Variants in UBTD2 observed in about 807,000 individuals in gnomAD.
UBTD2 encodes ubiquitin domain containing 2, also known as ubiquitin domain-containing protein 2.
In UBTD2, 9 loss-of-function variants were observed where a neutral mutation model predicts 19.8. That is an observed-to-expected ratio of 0.46 (90% CI 0.27 to 0.79). The LOEUF is 0.79. Among genes scored for constraint, UBTD2 ranks in the 30% least tolerant of loss-of-function variants. The probability of loss-of-function intolerance (pLI) is 0.14; values close to 1 mark genes in which losing one functional copy is unlikely to be tolerated. For missense variants in UBTD2, 250 were observed against 300.4 expected, an observed-to-expected ratio of 0.83 and a Z score of 1.24; for synonymous variants, 98 against 103.9, an observed-to-expected ratio of 0.94 and a Z score of 0.35.
chr5:172,212,154 G>A lies in UBTD2; in HGVS notation c.381C>T (p.Ile127=). The change falls in exon 3 of 3, where the codon ATC becomes ATT. Residue 127 remains isoleucine (I), a synonymous_variant. Transcript: ENST00000393792. ...TGTCGCTCTTTTCCTCTATCATGTT[G>A]ATTGGCGGTGCCAAGCAATACACTG... The part of the protein sequence containing the change: ...QLPVYCLAPP[I]NMIEEKSDIE... 1.2e-6 allele frequency: 2 copies of A among 1,614,166 alleles called. No homozygotes were observed. Among genetic ancestry groups the A allele is most frequent in the Non-Finnish European group, 1.7e-6 (2 of 1,180,022 alleles).
intron 1 of UBTD2, among the ~76,000 whole-genome samples, chr5:172,256,385 A>G (rs189581589): frequency 2.2e-5 from 3 of 135,300 alleles, no homozygotes; most frequent in East Asian, 4.6e-4. Context: ...TTTTCCTTAT[A>G]CTTTTTTTTT....
Position 172,259,108 on chromosome 5 carries a change from AG to A in UBTD2, c.70+24487del, listed in dbSNP as rs749449520. 1.4e-4 allele frequency among the ~76,000 whole-genome samples: 22 copies of A among 152,008 alleles called. 1 individual carries two copies. The highest frequency in any genetic ancestry group is 1.5e-5 in the Non-Finnish European group (1 of 67,976). ...GTCATAGACGGCTCTTATGATTTTGAGGTATGTTCCTTTAATGGCTACTTTG... is the reference window on the plus strand; with the variant it reads ...GTCATAGACGGCTCTTATGATTTTGAGTATGTTCCTTTAATGGCTACTTTG... On this transcript the variant is annotated intron_variant, in intron 1 of 2. Transcript: ENST00000393792.
chr5:172,236,518 C>G (rs1772012397), intron 1 of UBTD2, among the ~76,000 whole-genome samples: 2 of 152,210 alleles, frequency 1.3e-5, no homozygotes, highest in African/African-American at 4.8e-5. Flanking sequence ...AGAATCTGGT[C>G]TGATAACCAC....
chr5:172,282,094 TGA>T (rs1240614092), intron 1 of UBTD2, among the ~76,000 whole-genome samples: 1 of 152,172 alleles, frequency 6.6e-6, no homozygotes, highest in Non-Finnish European at 1.5e-5. Context: ...AATATTAAAA[TGA>T]GTGTGAAAAA....
intron 1 of UBTD2, among the ~76,000 whole-genome samples, chr5:172,245,924 G>C (rs1018257586): frequency 6.6e-6 from 1 of 152,186 alleles, no homozygotes; most frequent in African/African-American, 2.4e-5. Flanking sequence ...AAGTTCTCCA[G>C]ATTTTTATGA....
chr5:172,230,994 G>A (rs886478160), intron 2 of UBTD2, among the ~76,000 whole-genome samples: 1 of 151,926 alleles, frequency 6.6e-6, no homozygotes, highest in Non-Finnish European at 1.5e-5. Flanking sequence ...CGTGTTAGCC[G>A]GGATGGTCTC....
At chr5:172,277,469 G>A (rs1313650635) in intron 1 of UBTD2, among the ~76,000 whole-genome samples, 1 of 152,060 alleles carries the variant, frequency 6.6e-6, no homozygotes, top group Non-Finnish European at 1.5e-5. Context: ...CATTTTGGGA[G>A]GTCAAGGAGG....
At chr5:172,219,792 AGT>A (rs1771616390) in intron 2 of UBTD2, among the ~76,000 whole-genome samples, 1 of 152,220 alleles carries the variant, frequency 6.6e-6, no homozygotes, top group African/African-American at 2.4e-5. Context: ...GTTAAAACAC[AGT>A]GCGTGACAAG....
At chr5:172,215,041 A>T in intron 2 of UBTD2, among the ~76,000 whole-genome samples, 1 of 152,232 alleles carries the variant, frequency 6.6e-6, no homozygotes, top group Non-Finnish European at 1.5e-5. Flanking sequence ...GCAGACACCC[A>T]GGAGCTGAAA....
chr5:172,270,807 C>G (rs1755474806), intron 1 of UBTD2, among the ~76,000 whole-genome samples: 1 of 152,140 alleles, frequency 6.6e-6, no homozygotes, highest in South Asian at 2.1e-4. Flanking sequence ...ACTATAATAA[C>G]CTACTACATT....
At chr5:172,246,058 T>C (rs1343164140) in intron 1 of UBTD2, among the ~76,000 whole-genome samples, 47 of 152,192 alleles carry the variant, frequency 3.1e-4, no homozygotes, top group Non-Finnish European at 1.2e-4. Context: ...ATGGAAAATC[T>C]GAGATGATCC....
At chr5:172,255,740 G>A (rs1445497223) in intron 1 of UBTD2, among the ~76,000 whole-genome samples, 1 of 152,146 alleles carries the variant, frequency 6.6e-6, no homozygotes, top group Non-Finnish European at 1.5e-5. Flanking sequence ...GGCAGGGTAA[G>A]AAGAGGCTGG....
chr5:172,214,129 C>T (rs543861970), intron 2 of UBTD2, among the ~76,000 whole-genome samples: 3 of 152,288 alleles, frequency 2.0e-5, no homozygotes, highest in African/African-American at 7.2e-5. Context: ...CGTAACATAT[C>T]GTTTCCCCAA....
Position 172,283,457 on chromosome 5 carries a change from G to A in UBTD2, c.70+139C>T, listed in dbSNP as rs990260197. 10 of 634,802 alleles carry A rather than the reference G, an allele frequency of 1.6e-5. No individual in the cohort carries two copies. Among genetic ancestry groups the A allele is most frequent in the Non-Finnish European group, 2.0e-5 (9 of 451,806 alleles). The allele number at this position is 634,802 out of a possible 1,614,324, so 39.3% of individuals were successfully genotyped here. ...CCCGCGGCTGGCAGGACAGCCGGAA[G>A]CGGAGCGCGGGGAATGACGTGGAAG... On this transcript the variant is annotated intron_variant, in intron 1 of 2. Transcript: ENST00000393792. This position sits in a 1 kb window ranked among gnomAD's most constrained non-coding sequence, Gnocchi z 4.3.
intron 2 of UBTD2, among the ~76,000 whole-genome samples, chr5:172,221,957 G>T (rs375726326): frequency 8.5e-5 from 13 of 152,074 alleles, no homozygotes; most frequent in East Asian, 5.8e-4. Flanking sequence ...GGGAGCAGGG[G>T]GTATATGGGA....
intron 1 of UBTD2, among the ~76,000 whole-genome samples, chr5:172,265,529 C>G (rs931295639): frequency 2.0e-5 from 3 of 152,250 alleles, no homozygotes; most frequent in African/African-American, 7.2e-5. Context: ...ACAGGTTTCA[C>G]TGTGTTAGCC....
chr5:172,256,846 C>G (rs144887205), intron 1 of UBTD2, among the ~76,000 whole-genome samples: 49,045 of 151,848 alleles, frequency 0.32, 8,016 homozygotes, highest in South Asian at 0.42. Context: ...GCTTGAACCC[C>G]GCAGGTGGTT....
chr5:172,281,706 T>C (rs1267177797), intron 1 of UBTD2, among the ~76,000 whole-genome samples: 1 of 152,146 alleles, frequency 6.6e-6, no homozygotes, highest in Non-Finnish European at 1.5e-5. Context: ...TTAATTATCA[T>C]GACAATAATG....
intron 2 of UBTD2, among the ~76,000 whole-genome samples, chr5:172,224,821 C>T (rs963581272): frequency 3.3e-5 from 5 of 152,108 alleles, no homozygotes; most frequent in African/African-American, 4.8e-5. Flanking sequence ...CAGACTAATA[C>T]AGAGAGGTTT....
Sources: allele counts gnomAD v4.1 joint callset (sites outside exome capture counted in the v4.1 genomes callset), GRCh38; gene constraint gnomAD v4.1.1; non-coding constraint Gnocchi (gnomAD v3.1); transcripts MANE v1.5; gene names NCBI Gene and HGNC (gene_info 2026-07-23, HGNC 2026-07-21).